CDKL4: variants seen among roughly 807,000 people sequenced by gnomAD.
The protein encoded by CDKL4 is cyclin dependent kinase like 4, also known as cyclin-dependent kinase-like 4.
In CDKL4, 44 loss-of-function variants were observed where a neutral mutation model predicts 42.0. That is an observed-to-expected ratio of 1.05 (90% confidence interval 0.82 to 1.35). CDKL4 has a LOEUF of 1.35. Among genes scored for constraint, CDKL4 ranks in the 40% most tolerant of loss-of-function variants. The pLI is 0.00. For synonymous variants in CDKL4, 120 were observed against 121.6 expected, an observed-to-expected ratio of 0.99 and a Z score of 0.09; for missense variants, 393 against 369.9, an observed-to-expected ratio of 1.06 and a Z score of -0.51.
At chr2:39,190,397 A>G (rs1256800640) in exon 6 of CDKL4, 2 of 1,613,948 alleles carry the variant, frequency 1.2e-6, no homozygotes, top group South Asian at 1.1e-5. Flanking sequence ...AACACAACCA[A>G]TAGCCCATAT....
intron 1 of CDKL4, among the ~76,000 whole-genome samples, chr2:39,240,234 A>AC (rs1679593077): frequency 7.0e-6 from 1 of 143,430 alleles, no homozygotes; most frequent in Non-Finnish European, 1.5e-5. Flanking sequence ...ACATGGTGAC[A>AC]CCCCGTCTCT....
downstream of CDKL4, among the ~76,000 whole-genome samples, chr2:39,172,877 T>A (rs1416886507): frequency 1.3e-5 from 2 of 152,156 alleles, no homozygotes; most frequent in African/African-American, 4.8e-5. Context: ...CCACTGCACC[T>A]GGCCTGTTTA....
intron 4 of CDKL4, among the ~76,000 whole-genome samples, chr2:39,205,903 G>A (rs1052489199): frequency 6.6e-6 from 1 of 152,094 alleles, no homozygotes; most frequent in Non-Finnish European, 1.5e-5. Flanking sequence ...GAAGCATTCC[G>A]CGCCAGGGGA....
chr2:39,171,050 C>A (rs1279552947), downstream of CDKL4, among the ~76,000 whole-genome samples: 1 of 151,872 alleles, frequency 6.6e-6, no homozygotes, highest in African/African-American at 2.4e-5. Context: ...ACCAGCCTGG[C>A]CAACAGGATG....
At chr2:39,225,777 A>G (rs1236223582) in intron 3 of CDKL4, 62 bp downstream of exon 3, 23 of 1,510,410 alleles carry the variant, frequency 1.5e-5, no homozygotes, top group Admixed American at 4.1e-5. Flanking sequence ...TGCCATGGTT[A>G]ATTCCACAGA....
chr2:39,229,763 C>T (rs1678980400), intron 1 of CDKL4, among the ~76,000 whole-genome samples, 175 bp from the exon 2 acceptor site: 1 of 152,188 alleles, frequency 6.6e-6, no homozygotes, highest in Non-Finnish European at 1.5e-5. Flanking sequence ...TGCAGCTCTT[C>T]CAGCTATCAA....
chr2:39,175,601 C>T (rs1675132037), downstream of CDKL4: 1 of 164,788 alleles, frequency 6.1e-6, no homozygotes, highest in African/African-American at 2.4e-5. Flanking sequence ...TCATTTCTTA[C>T]ACAAACAGTG....
At chr2:39,179,218 C>T (rs370476409) in exon 9 of CDKL4, 10 of 1,612,900 alleles carry the variant, frequency 6.2e-6, no homozygotes, top group Non-Finnish European at 7.6e-6. Context: ...TCCTTCATTA[C>T]GTGCTTTTCT....
At chr2:39,171,951 A>C (rs1053391323), downstream of CDKL4, among the ~76,000 whole-genome samples, 2 of 152,200 alleles carry the variant, frequency 1.3e-5, no homozygotes, top group Non-Finnish European at 2.9e-5. Context: ...ACAGAAACTC[A>C]TAATTACGGG....
At chr2:39,205,395 A>G (rs538321485) in intron 4 of CDKL4, among the ~76,000 whole-genome samples, 64 of 152,262 alleles carry the variant, frequency 4.2e-4, no homozygotes, top group African/African-American at 1.4e-3. Flanking sequence ...AATGATAACA[A>G]AAAGCAAAAT....
At chr2:39,174,649 G>A (rs1675096033), downstream of CDKL4, among the ~76,000 whole-genome samples, 1 of 152,160 alleles carries the variant, frequency 6.6e-6, no homozygotes, top group South Asian at 2.1e-4. Flanking sequence ...ACAACATTCA[G>A]TTAAGTATGC....
rs377277882 is a variant in CDKL4, at chr2:39,239,663, C to T, written c.-57+4208G>A. On this transcript the variant is annotated intron_variant, in intron 1 of 9. Transcript: ENST00000451199. ...TTGCAATAAGATAGCATTACATACA[C>T]ATTAGAATGACTAAAATCCAAAGAC... is the stretch of plus-strand genomic sequence containing the variant. Among the ~76,000 whole-genome samples the T allele has an allele frequency of 9.2e-5, 14 of 152,318 alleles. No individual in the cohort carries two copies. In the East Asian group the frequency reaches 1.3e-3, roughly 15 times the overall value.
At chr2:39,231,223 C>T (rs201475004) in intron 1 of CDKL4, among the ~76,000 whole-genome samples, 1 of 12,130 alleles carries the variant, frequency 8.2e-5, no homozygotes, top group Admixed American at 1.1e-3. Flanking sequence ...AAAACAAAAA[C>T]AAACAAACAA....
chr2:39,226,434 A>AATTATATATATTATATAT lies in CDKL4; in HGVS notation c.169-492_169-475dup, dbSNP rs559756613. On this transcript the variant is annotated intron_variant, in intron 2 of 9. Transcript: ENST00000451199. ...AAATTTACTTATTTATATTTATATAAATTATATATATTATATATATATTAT... is the reference window on the plus strand; with the variant it reads ...AAATTTACTTATTTATATTTATATAAATTATATATATTATATATATTATATATATTATATATATATTAT... 3.8e-4 allele frequency among the ~76,000 whole-genome samples: 39 copies of AATTATATATATTATATAT among 101,564 alleles called. No individual in the cohort carries two copies. The East Asian group carries it at 4.3e-3, about 11-fold the overall frequency. 66.6% of individuals were successfully genotyped at this position (101,564 alleles called of 152,430 possible). A position where few individuals can be genotyped will look rare whatever the true frequency, so the allele number is the denominator to read the frequency against.
chr2:39,188,045 G>T (rs1675934837), intron 6 of CDKL4, among the ~76,000 whole-genome samples: 1 of 151,532 alleles, frequency 6.6e-6, no homozygotes, highest in African/African-American at 2.4e-5. Context: ...TCCAGCCTGG[G>T]CGACAGAGCA....
At chr2:39,170,891 C>T (rs570181124), downstream of CDKL4, among the ~76,000 whole-genome samples, 1 of 152,042 alleles carries the variant, frequency 6.6e-6, no homozygotes, top group Non-Finnish European at 1.5e-5. Flanking sequence ...TGACAAATGA[C>T]TAAGAAAGTG....
chr2:39,211,525 A>G (rs1264934549), intron 4 of CDKL4, among the ~76,000 whole-genome samples: 1 of 152,162 alleles, frequency 6.6e-6, no homozygotes, highest in Non-Finnish European at 1.5e-5. Flanking sequence ...ATTTGTGTTT[A>G]TAATGGTGCT....
intron 4 of CDKL4, among the ~76,000 whole-genome samples, chr2:39,212,722 T>G (rs1209768095): frequency 6.6e-6 from 1 of 151,736 alleles, no homozygotes; most frequent in Non-Finnish European, 1.5e-5. Flanking sequence ...AGCAGTGGTG[T>G]GATCTCAGCT....
intron 1 of CDKL4, among the ~76,000 whole-genome samples, chr2:39,230,058 C>T (rs978351600): frequency 3.3e-5 from 5 of 152,174 alleles, no homozygotes; most frequent in African/African-American, 7.2e-5. Flanking sequence ...GAAGAAAGAG[C>T]GTGGGCCATT....
Sources: allele counts gnomAD v4.1 joint callset (sites outside exome capture counted in the v4.1 genomes callset), GRCh38; gene constraint gnomAD v4.1.1; transcripts MANE v1.5; gene names NCBI Gene and HGNC (gene_info 2026-07-23, HGNC 2026-07-21).